The following SNRK variants were observed in gnomAD, a reference collection of about 807,000 sequenced individuals.
SNRK encodes SNF related kinase, also known as SNF-related serine/threonine-protein kinase.
In SNRK, 3 loss-of-function variants were observed where a neutral mutation model predicts 48.2. The observed-to-expected ratio is 0.06, with a 90% CI of 0.03 to 0.16. The LOEUF (loss-of-function observed/expected upper bound fraction) is 0.16, where lower values mean the gene tolerates loss of function less well. SNRK is among the 10% of genes least tolerant of loss of function. The probability of loss-of-function intolerance (pLI) is 1.00; values close to 1 mark genes in which losing one functional copy is unlikely to be tolerated. For synonymous variants in SNRK, 376 were observed against 366.1 expected, an observed-to-expected ratio of 1.03 and a Z score of -0.31; for missense variants, 627 against 976.0, an observed-to-expected ratio of 0.64 and a Z score of 4.76.
chr3:43,300,715 CT>C (rs1336169435), intron 2 of SNRK, among the ~76,000 whole-genome samples: 1 of 151,578 alleles, frequency 6.6e-6, no homozygotes, highest in Non-Finnish European at 1.5e-5. Context: ...TTGGATTTTC[CT>C]GTTAATCCTG....
intron 3 of SNRK, among the ~76,000 whole-genome samples, chr3:43,319,692 G>A (rs984255376): frequency 1.3e-5 from 2 of 152,138 alleles, no homozygotes; most frequent in African/African-American, 2.4e-5. Flanking sequence ...CCTGGCAAAC[G>A]TAACAAGCTC....
At chr3:43,288,020 A>G (rs1362545749) in intron 1 of SNRK, among the ~76,000 whole-genome samples, 1 of 152,244 alleles carries the variant, frequency 6.6e-6, no homozygotes, top group Non-Finnish European at 1.5e-5. Flanking sequence ...AAGAACACCA[A>G]ATACCAAATT....
At chr3:43,337,561 T>C (rs933620086) in intron 4 of SNRK, among the ~76,000 whole-genome samples, 2 of 151,432 alleles carry the variant, frequency 1.3e-5, no homozygotes, top group African/African-American at 4.9e-5. Context: ...CACACCTGGC[T>C]AATTTTTTTT....
At chr3:43,309,617 T>G (rs957378719) in intron 3 of SNRK, among the ~76,000 whole-genome samples, 1 of 151,268 alleles carries the variant, frequency 6.6e-6, no homozygotes, top group African/African-American at 2.4e-5. Context: ...ATAAGGTTTT[T>G]TTTTTTTTTT....
At chr3:43,317,091 C>T (rs180744064) in intron 3 of SNRK, among the ~76,000 whole-genome samples, 1 of 152,252 alleles carries the variant, frequency 6.6e-6, no homozygotes, top group Admixed American at 6.5e-5. Flanking sequence ...CAAAAGTGCA[C>T]AATTGATCAT....
chr3:43,304,998 C>T (rs536686073), intron 3 of SNRK, among the ~76,000 whole-genome samples: 1 of 151,952 alleles, frequency 6.6e-6, no homozygotes, highest in Non-Finnish European at 1.5e-5. Flanking sequence ...AGAGGAAACA[C>T]AAATGTCTAC....
chr3:43,348,708 T>G lies in SNRK; in HGVS notation c.*151T>G, dbSNP rs561560305. 2 of 792,488 alleles carry G rather than the reference T, an allele frequency of 2.5e-6. No individual in the cohort carries two copies. The highest frequency in any genetic ancestry group is 6.1e-5 in the East Asian group (2 of 32,780). 49.1% of individuals were successfully genotyped at this position (792,488 alleles called of 1,614,324 possible). A position where few individuals can be genotyped will look rare whatever the true frequency, so the allele number is the denominator to read the frequency against. On this transcript the variant is annotated 3_prime_UTR_variant, in exon 7 of 7. Transcript: ENST00000296088. ...ATTTGTTCGCCTGATGATGTGACAATGCATGGTCTTTGTGCATGCTGCTAG... is the reference window on the plus strand; with the variant it reads ...ATTTGTTCGCCTGATGATGTGACAAGGCATGGTCTTTGTGCATGCTGCTAG...
At chr3:43,307,998 C>T (rs1197857511) in intron 3 of SNRK, among the ~76,000 whole-genome samples, 1 of 152,168 alleles carries the variant, frequency 6.6e-6, no homozygotes, top group Non-Finnish European at 1.5e-5. Context: ...AGTGAAACAG[C>T]CTTATTGTTG....
intron 3 of SNRK, among the ~76,000 whole-genome samples, chr3:43,312,809 G>A (rs1180662100): frequency 6.6e-6 from 1 of 152,122 alleles, no homozygotes; most frequent in Non-Finnish European, 1.5e-5. Context: ...TAATGAACAT[G>A]TAGAGACTGA....
intron 6 of SNRK, 83 bp downstream of exon 6, chr3:43,343,561 A>G: frequency 7.1e-7 from 1 of 1,412,820 alleles, no homozygotes; most frequent in South Asian, 1.2e-5. Context: ...ATGCTTCCTA[A>G]CTCTTTGGGG....
At chr3:43,333,742 A>G (rs2091165907) in intron 4 of SNRK, among the ~76,000 whole-genome samples, 4 of 152,142 alleles carry the variant, frequency 2.6e-5, no homozygotes, top group African/African-American at 4.8e-5. Context: ...TAAGTATACA[A>G]TGTATATGTA....
At chr3:43,331,568 A>G (rs1273414921) in intron 3 of SNRK, among the ~76,000 whole-genome samples, 1 of 152,116 alleles carries the variant, frequency 6.6e-6, no homozygotes, top group Non-Finnish European at 1.5e-5. Context: ...GTAGTTCCCC[A>G]TTTTTTAGCT....
rs376219078 is a variant in SNRK, at chr3:43,288,783, CTT to C, written c.-169+2109_-169+2110del. ...AAAACCGTAGATGAGAAACTCTAGA[CTT>C]AATGTAACTGCATCCCAGCTGTTTG... On this transcript the variant is annotated intron_variant, in intron 1 of 6. Coordinates refer to ENST00000296088, the MANE Select transcript of SNRK (RefSeq NM_017719.5). Among the ~76,000 whole-genome samples the C allele has an allele frequency of 7.9e-5, 12 of 152,318 alleles. No individual in the cohort carries two copies. The East Asian group carries it at 1.5e-3, about 20-fold the overall frequency.
At chr3:43,292,608 C>G (rs1280008842) in intron 1 of SNRK, among the ~76,000 whole-genome samples, 1 of 152,232 alleles carries the variant, frequency 6.6e-6, no homozygotes, top group Non-Finnish European at 1.5e-5. Context: ...GACTTCCACT[C>G]CCAAATCATC....
At chr3:43,299,729 T>G (rs1334193370) in intron 1 of SNRK, 25 bp from the exon 2 acceptor site, 1 of 152,654 alleles carries the variant, frequency 6.6e-6, no homozygotes. Flanking sequence ...ACTAAACCTG[T>G]ATCTTTTTCT....
At chr3:43,331,459 T>C (rs1279592728) in intron 3 of SNRK, among the ~76,000 whole-genome samples, 1 of 152,186 alleles carries the variant, frequency 6.6e-6, no homozygotes, top group Non-Finnish European at 1.5e-5. Context: ...AGAAATGCCT[T>C]ATGCAAAATT....
At chr3:43,296,857 C>G (rs896897616) in intron 1 of SNRK, among the ~76,000 whole-genome samples, 1 of 152,200 alleles carries the variant, frequency 6.6e-6, no homozygotes, top group African/African-American at 2.4e-5. Context: ...TGTAGGGCCA[C>G]CCACACTTCC....
chr3:43,291,012 G>A (rs2090807946), intron 1 of SNRK, among the ~76,000 whole-genome samples: 1 of 152,162 alleles, frequency 6.6e-6, no homozygotes, highest in Admixed American at 6.5e-5. Flanking sequence ...AGTGAGTATA[G>A]GGAGCTGTAT....
At chr3:43,344,188 C>T (rs528878905) in intron 6 of SNRK, among the ~76,000 whole-genome samples, 11 of 151,970 alleles carry the variant, frequency 7.2e-5, no homozygotes, top group African/African-American at 2.2e-4. Flanking sequence ...CTCCCCAAGC[C>T]TTTTCTAACC....
Sources: allele counts gnomAD v4.1 joint callset (sites outside exome capture counted in the v4.1 genomes callset), GRCh38; gene constraint gnomAD v4.1.1; transcripts MANE v1.5; gene names NCBI Gene and HGNC (gene_info 2026-07-23, HGNC 2026-07-21).